Variants in KSR2 observed in about 807,000 individuals in gnomAD.
KSR2 encodes kinase suppressor of ras 2.
KSR2 carries 25 observed loss-of-function variants against 107.8 expected under a neutral mutation model. That is an observed-to-expected ratio of 0.23 (90% CI 0.17 to 0.32). The LOEUF (loss-of-function observed/expected upper bound fraction) is 0.32, where lower values mean the gene tolerates loss of function less well. Among genes scored for constraint, KSR2 ranks in the 10% least tolerant of loss-of-function variants. The pLI is 1.00. For synonymous variants in KSR2, 480 were observed against 507.0 expected, an observed-to-expected ratio of 0.95 and a Z score of 0.71; for missense variants, 887 against 1,268.9, an observed-to-expected ratio of 0.70 and a Z score of 4.57.
intron 4 of KSR2, among the ~76,000 whole-genome samples, chr12:117,735,043 C>T (rs945678875): frequency 1.3e-4 from 20 of 152,294 alleles, no homozygotes; most frequent in African/African-American, 4.8e-4. Context: ...AGACTTGTTC[C>T]TGCCTTCCTC....
intron 1 of KSR2, among the ~76,000 whole-genome samples, chr12:117,928,881 C>T (rs555006209): frequency 6.6e-6 from 1 of 152,330 alleles, no homozygotes; most frequent in African/African-American, 2.4e-5. Context: ...CGACATCATG[C>T]TTAGCAAAGG....
chr12:117,476,428 C>A (rs1565864261), intron 17 of KSR2, 36 bp downstream of exon 17: 2 of 1,552,028 alleles, frequency 1.3e-6, no homozygotes, highest in Non-Finnish European at 8.7e-7. Context: ...TCTGCCCAGG[C>A]TGTGGCTCTC....
intron 5 of KSR2, among the ~76,000 whole-genome samples, chr12:117,591,585 C>G (rs1171714996): frequency 6.6e-6 from 1 of 151,916 alleles, no homozygotes; most frequent in South Asian, 2.1e-4. Flanking sequence ...GGCAGCAAAG[C>G]AGATGAAGGG....
At chr12:117,656,159 G>A (rs760014208) in intron 5 of KSR2, among the ~76,000 whole-genome samples, 4 of 152,218 alleles carry the variant, frequency 2.6e-5, no homozygotes, top group Non-Finnish European at 5.9e-5. Context: ...ACACATGTTT[G>A]TGTACGTATA....
At chr12:117,963,139 G>A (rs534817743) in intron 1 of KSR2, among the ~76,000 whole-genome samples, 5 of 151,806 alleles carry the variant, frequency 3.3e-5, no homozygotes, top group South Asian at 4.2e-4. Context: ...GCAATGAGCC[G>A]AGATCACGCC....
chr12:117,649,776 G>A lies in KSR2; in HGVS notation c.1171+17698C>T, dbSNP rs144918886. Among the ~76,000 whole-genome samples, 261 of 152,116 alleles carry A rather than the reference G, an allele frequency of 1.7e-3. 2 individuals carry two copies. Among genetic ancestry groups the A allele is most frequent in the African/African-American group, 6.0e-3 (251 of 41,504 alleles). On this transcript the variant is annotated intron_variant, in intron 5 of 19. Coordinates refer to ENST00000339824, the MANE Select transcript of KSR2 (RefSeq NM_173598.6). ...CTTCCTAGAGGAGTGTCAGGGGATG[G>A]GAGAAAAAAGAAACTCCTTTCCAGG...
rs1350558670 is a variant in KSR2, at chr12:117,732,202, CAGAAAGGCCACCTCTTTAATGTATG to C, written c.986+28784_986+28808del. 4.6e-5 allele frequency among the ~76,000 whole-genome samples: 7 copies of C among 152,140 alleles called. No individual in the cohort carries two copies. The East Asian group carries it at 9.7e-4, about 21-fold the overall frequency. On this transcript the variant is annotated intron_variant, in intron 4 of 19. Transcript: ENST00000339824. ...TTGTGCCTAATTCAGCTGATGGACA[CAGAAAGGCCACCTCTTTAATGTATG>C]AGTGATGATCCCAAAACACAACTAG...
chr12:117,885,965 G>A (rs1279362147), intron 1 of KSR2, among the ~76,000 whole-genome samples: 7 of 151,888 alleles, frequency 4.6e-5, no homozygotes, highest in Non-Finnish European at 7.4e-5. Flanking sequence ...ACGGGGTGGC[G>A]GACGCCTGTA....
chr12:117,793,661 C>A (rs987279072), intron 3 of KSR2, among the ~76,000 whole-genome samples: 22 of 147,610 alleles, frequency 1.5e-4, no homozygotes, highest in African/African-American at 5.5e-4. Flanking sequence ...CCAATATGCA[C>A]ACATACAACA....
intron 4 of KSR2, among the ~76,000 whole-genome samples, chr12:117,668,751 G>T (rs1565952305): frequency 6.6e-6 from 1 of 152,078 alleles, no homozygotes; most frequent in Non-Finnish European, 1.5e-5. Context: ...TTATATTATG[G>T]ATATCTGTCT....
intron 1 of KSR2, among the ~76,000 whole-genome samples, chr12:117,861,966 G>T (rs1335989103): frequency 1.3e-5 from 2 of 151,952 alleles, no homozygotes; most frequent in Non-Finnish European, 2.9e-5. Flanking sequence ...CAATTTGGAA[G>T]AATAAACTCC....
intron 5 of KSR2, among the ~76,000 whole-genome samples, chr12:117,608,638 AAAAT>A (rs1336940712): frequency 2.0e-5 from 3 of 152,216 alleles, no homozygotes; most frequent in African/African-American, 7.2e-5. Context: ...ACAGAAGAAA[AAAAT>A]AAATAAAATA....
chr12:117,891,764 A>T (rs764780521), intron 1 of KSR2, among the ~76,000 whole-genome samples: 8 of 150,436 alleles, frequency 5.3e-5, no homozygotes, highest in Non-Finnish European at 8.9e-5. Context: ...AGGAGAGAGG[A>T]TCACTTGAGC....
At chr12:117,687,247 G>C (rs1159957314) in intron 4 of KSR2, among the ~76,000 whole-genome samples, 1 of 152,186 alleles carries the variant, frequency 6.6e-6, no homozygotes, top group African/African-American at 2.4e-5. Context: ...AAGTGAGTCA[G>C]TGTGAGCTCA....
chr12:117,926,820 C>A (rs926014738), intron 1 of KSR2, among the ~76,000 whole-genome samples: 1 of 152,200 alleles, frequency 6.6e-6, no homozygotes, highest in Admixed American at 6.5e-5. Context: ...GCATGGCCTA[C>A]AGGACAGCAG....
chr12:117,721,315 G>T (rs773484002), intron 4 of KSR2, among the ~76,000 whole-genome samples: 1 of 152,100 alleles, frequency 6.6e-6, no homozygotes, highest in Non-Finnish European at 1.5e-5. Context: ...AAATGCTTAC[G>T]ATATAATGAA....
At chr12:117,738,592 T>C (rs767581561) in intron 4 of KSR2, among the ~76,000 whole-genome samples, 50 of 152,264 alleles carry the variant, frequency 3.3e-4, no homozygotes, top group Non-Finnish European at 7.1e-4. Context: ...ACAAAAAATG[T>C]GGCTGGGCAT....
intron 14 of KSR2, 95 bp downstream of exon 14, chr12:117,524,757 T>C: frequency 7.0e-7 from 1 of 1,420,102 alleles, no homozygotes; most frequent in Non-Finnish European, 9.5e-7. Flanking sequence ...GATGGTCTAT[T>C]AACCAGAGTG....
chr12:117,808,041 T>C (rs1891070702), intron 3 of KSR2, among the ~76,000 whole-genome samples: 2 of 152,250 alleles, frequency 1.3e-5, no homozygotes, highest in Admixed American at 6.5e-5. Flanking sequence ...ATCTCTTGGA[T>C]TGATAAAGTT....
Sources: gnomAD v4.1 joint callset for allele counts (sites outside exome capture counted in the v4.1 genomes callset) on GRCh38, gnomAD v4.1.1 for gene constraint, MANE v1.5 for transcripts, NCBI Gene and HGNC (gene_info 2026-07-23, HGNC 2026-07-21) for gene names.